AHRR: variants seen among roughly 807,000 people sequenced by gnomAD.
The protein encoded by AHRR is ahR repressor.
In AHRR, 28 loss-of-function variants were observed where a neutral mutation model predicts 44.0. The ratio of observed to expected loss-of-function variants is 0.64; its 90% CI spans 0.47 to 0.87. AHRR has a LOEUF of 0.87. AHRR is among the 40% of genes least tolerant of loss of function. The pLI is 0.00. For missense variants in AHRR, 990 were observed against 953.9 expected (o/e 1.04, Z -0.50); for synonymous variants, 434 against 407.0 (o/e 1.07, Z -0.80).
intron 2 of AHRR, among the ~76,000 whole-genome samples, chr5:353,096 T>C (rs1345092841): frequency 1.3e-5 from 2 of 152,174 alleles, no homozygotes; most frequent in Non-Finnish European, 2.9e-5. Context: ...AGGCCTGCTC[T>C]GGCTTATTAG....
intron 4 of AHRR, among the ~76,000 whole-genome samples, chr5:386,774 C>A (rs959740964): frequency 6.6e-6 from 1 of 152,156 alleles, no homozygotes; most frequent in African/African-American, 2.4e-5. Context: ...ATCCCGGACA[C>A]TTTTCACCTG....
At chr5:389,647 G>A (rs1734322839) in intron 4 of AHRR, among the ~76,000 whole-genome samples, 1 of 151,998 alleles carries the variant, frequency 6.6e-6, no homozygotes, top group African/African-American at 2.4e-5. Context: ...CCCCAGACCA[G>A]CGTCAGAGCA....
At chr5:379,269 C>G (rs999554681) in intron 4 of AHRR, among the ~76,000 whole-genome samples, 19 of 152,100 alleles carry the variant, frequency 1.2e-4, no homozygotes, top group Non-Finnish European at 2.5e-4. Flanking sequence ...TGCTGCGGGC[C>G]GCTGGTTTGT....
rs554625353 is a variant in AHRR, at chr5:402,897, C to T, written c.352-10447C>T. ...AGGGAATCCTGGTATTTGCAAACCA[C>T]GGATGAACCTGGAGGACATGGTGCT... On this transcript the variant is annotated intron_variant, in intron 4 of 10. Transcript: ENST00000684583. Among the ~76,000 whole-genome samples the T allele has an allele frequency of 5.6e-4, 85 of 152,282 alleles. 1 individual carries two copies. The highest frequency in any genetic ancestry group is 5.8e-4 in the East Asian group (3 of 5,186).
chr5:375,568 G>A (rs1464655448), intron 3 of AHRR, among the ~76,000 whole-genome samples: 1 of 152,254 alleles, frequency 6.6e-6, no homozygotes, highest in African/African-American at 2.4e-5. Flanking sequence ...CGTGATGACA[G>A]TTTTTATGCC....
intron 2 of AHRR, among the ~76,000 whole-genome samples, chr5:345,724 T>G (rs1029860960): frequency 3.9e-5 from 6 of 151,986 alleles, no homozygotes; most frequent in Non-Finnish European, 7.4e-5. Context: ...TAAGGCCCCT[T>G]GGCGCCTGGA....
chr5:373,757 C>T (rs1743664319), intron 3 of AHRR, among the ~76,000 whole-genome samples: 1 of 151,606 alleles, frequency 6.6e-6, no homozygotes, highest in Non-Finnish European at 1.5e-5. Context: ...CCCGTGTGCA[C>T]CCGGAGCGCC....
intron 4 of AHRR, among the ~76,000 whole-genome samples, chr5:393,618 G>A (rs890078522): frequency 1.4e-5 from 2 of 147,292 alleles, no homozygotes; most frequent in South Asian, 4.2e-4. Flanking sequence ...CTATTGCAAT[G>A]TTTTATTGTT....
intron 2 of AHRR, among the ~76,000 whole-genome samples, chr5:345,291 T>A (rs111163134): frequency 3.4e-4 from 17 of 49,852 alleles, no homozygotes; most frequent in Non-Finnish European, 7.9e-4. Flanking sequence ...TGTCGGATGA[T>A]GTCCCTGGCT....
intron 1 of AHRR, among the ~76,000 whole-genome samples, chr5:329,351 C>T (rs1741836339): frequency 6.6e-6 from 1 of 151,966 alleles, no homozygotes; most frequent in Non-Finnish European, 1.5e-5. Context: ...GTGTGTGCCA[C>T]CATGCCTGAC....
chr5:422,430 C>A, intron 5 of AHRR: 1 of 424,128 alleles, frequency 2.4e-6, no homozygotes, highest in Non-Finnish European at 4.4e-6. Flanking sequence ...TGTCTTGGCC[C>A]CAGAGTGTCT....
chr5:331,249 G>T (rs1579585532), intron 1 of AHRR, among the ~76,000 whole-genome samples: 1 of 152,164 alleles, frequency 6.6e-6, no homozygotes, highest in South Asian at 2.1e-4. Flanking sequence ...ATCTGTTCAG[G>T]TTTTCTATTT....
At chr5:414,404 C>T (rs1000611839) in intron 5 of AHRR, among the ~76,000 whole-genome samples, 1 of 152,100 alleles carries the variant, frequency 6.6e-6, no homozygotes. Context: ...TCCCATTGCA[C>T]GGCGAGGACC....
In AHRR at chr5:433,741, G is replaced by A; in HGVS notation, c.1113-112G>A. ...AGTGAGGGGTCGGTGTAGCAGCCTTGGCAGATTTAGCATCGTCCTGATTTC... is the reference window on the plus strand; with the variant it reads ...AGTGAGGGGTCGGTGTAGCAGCCTTAGCAGATTTAGCATCGTCCTGATTTC... On this transcript the variant is annotated intron_variant, in intron 10 of 10. Coordinates refer to ENST00000684583, the MANE Select transcript of AHRR (RefSeq NM_001377236.1). 6 of 1,251,234 alleles carry A rather than the reference G, an allele frequency of 4.8e-6. No homozygotes were observed. In the South Asian group the frequency reaches 1.2e-4, roughly 26 times the overall value. 77.5% of individuals were successfully genotyped at this position (1,251,234 alleles called of 1,614,324 possible). A position where few individuals can be genotyped will look rare whatever the true frequency, so the allele number is the denominator to read the frequency against.
chr5:420,913 TCCAGGCACGCACACGCAGCCACCC>T, intron 5 of AHRR: 1 of 120,536 alleles, frequency 8.3e-6, no homozygotes, highest in East Asian at 2.5e-4. Flanking sequence ...CACGCACGCA[TCCAGGCACGCACACGCAGCCACCC>T]ACCCACACAG....
intron 7 of AHRR, chr5:427,537 C>A (rs773882284): frequency 3.5e-6 from 5 of 1,410,004 alleles, no homozygotes; most frequent in Non-Finnish European, 5.0e-6. Context: ...CAGGCACACA[C>A]GCGGGAATGA....
rs760450681 is a variant in AHRR at position 423,899 on chromosome 5, C to T, written c.630C>T (p.Pro210=). ...CCCAGGAGTGGGGCACAGGCACGCC[C>T]ACCGAGTACTCGGCCTTCCTGACCC... ...LRAQEWGTGT[P]TEYSAFLTRC... Residue 210 remains proline, a synonymous_variant, in exon 7 of 11, where the codon CCC becomes CCT. Coordinates refer to ENST00000684583, the MANE Select transcript of AHRR (RefSeq NM_001377236.1). The T allele has an allele frequency of 1.7e-5, 28 of 1,604,594 alleles. 1 individual carries two copies. The South Asian group carries it at 2.7e-4, about 16-fold the overall frequency.
At chr5:415,613 G>C (rs79351361) in intron 5 of AHRR, among the ~76,000 whole-genome samples, 52 of 94,036 alleles carry the variant, frequency 5.5e-4, no homozygotes, top group African/African-American at 7.6e-4. Flanking sequence ...GCCTGGTGGG[G>C]CGGGAGGCCT....
intron 2 of AHRR, among the ~76,000 whole-genome samples, chr5:348,322 T>A (rs764795738): frequency 6.6e-6 from 1 of 151,028 alleles, no homozygotes; most frequent in African/African-American, 2.4e-5. Context: ...GCCACAGGGA[T>A]TCCCCCCCTC....
Sources: allele counts gnomAD v4.1 joint callset (sites outside exome capture counted in the v4.1 genomes callset), GRCh38; gene constraint gnomAD v4.1.1; transcripts MANE v1.5; gene names NCBI Gene and HGNC (gene_info 2026-07-23, HGNC 2026-07-21).